The following TMEM154 variants were observed in gnomAD, a reference collection of about 807,000 sequenced individuals.
The protein encoded by TMEM154 is transmembrane protein 154.
A neutral mutation model predicts 24.5 loss-of-function variants in TMEM154; 27 were observed. The ratio of observed to expected loss-of-function variants is 1.10; its 90% CI spans 0.81 to 1.52. The LOEUF is 1.52. Among genes scored for constraint, TMEM154 ranks in the 40% most tolerant of loss-of-function variants. The pLI, the probability that TMEM154 is intolerant of heterozygous loss-of-function variation, is 0.00. For missense variants in TMEM154, 228 were observed against 213.4 expected, an observed-to-expected ratio of 1.07 and a Z score of -0.43; for synonymous variants, 67 against 76.8, an observed-to-expected ratio of 0.87 and a Z score of 0.67.
intron 1 of TMEM154, among the ~76,000 whole-genome samples, chr4:152,678,479 C>T (rs1728991467): frequency 1.4e-5 from 2 of 141,128 alleles, no homozygotes; most frequent in South Asian, 2.2e-4. Flanking sequence ...TGTCCTACTA[C>T]GAAAGGTTCC....
In TMEM154 at chr4:152,620,398, G is replaced by T. The variant is rs1332526617; in HGVS notation, c.*8148C>A. The T allele has an allele frequency of 6.6e-6, 1 of 152,220 alleles. No individual in the cohort carries two copies. Among genetic ancestry groups the T allele is most frequent in the African/African-American group, 2.4e-5 (1 of 41,406 alleles). The allele number at this position is 152,220 out of a possible 1,614,324, so 9.4% of individuals were successfully genotyped here. A position where few individuals can be genotyped will look rare whatever the true frequency, so the allele number is the denominator to read the frequency against. ...GATAGACCATTACTTCTGGGCCTAG[G>T]GTCCTGCCTTCACTGCCTCTGTTCC... On this transcript the variant is annotated 3_prime_UTR_variant, in exon 7 of 7. Transcript: ENST00000304385.
chr4:152,637,871 T>G (rs4696331), intron 6 of TMEM154, among the ~76,000 whole-genome samples: 18,364 of 152,204 alleles, frequency 0.12, 1,611 homozygotes, highest in African/African-American at 0.24. Context: ...GATTATCAAT[T>G]TAATTAAAAC....
chr4:152,657,201 T>C (rs1728508657), intron 1 of TMEM154, among the ~76,000 whole-genome samples: 1 of 145,850 alleles, frequency 6.9e-6, no homozygotes, highest in Non-Finnish European at 1.5e-5. Context: ...AAAGAGAAAA[T>C]GAGTGTTAGA....
intron 1 of TMEM154, among the ~76,000 whole-genome samples, chr4:152,655,611 G>A (rs909411441): frequency 3.3e-5 from 5 of 151,922 alleles, no homozygotes; most frequent in African/African-American, 4.8e-5. Flanking sequence ...GGTAGGAGCC[G>A]CTGGCAGCAC....
At position 152,625,856 on chromosome 4, in the gene TMEM154, G is replaced by A. The variant is rs1192001918; in HGVS notation, c.*2690C>T. 1 of 152,134 alleles carries A rather than the reference G, an allele frequency of 6.6e-6. No individual in the cohort carries two copies. The highest frequency in any genetic ancestry group is 1.5e-5 in the Non-Finnish European group (1 of 68,046). 9.4% of individuals were successfully genotyped at this position (152,134 alleles called of 1,614,324 possible). On this transcript the variant is annotated 3_prime_UTR_variant, in exon 7 of 7. Transcript: ENST00000304385. The stretch of plus-strand genomic sequence containing the variant: ...GTTTGAAACCAGCCTGGGCAACATA[G>A]TGAGACCCTGTCTTTAAAAAATAAA...
intron 6 of TMEM154, among the ~76,000 whole-genome samples, chr4:152,638,713 A>G (rs568256771): frequency 4.4e-4 from 67 of 152,206 alleles, no homozygotes; most frequent in Non-Finnish European, 8.7e-4. Context: ...TTGCAATATC[A>G]TAATAACCTT....
chr4:152,640,889 C>CCCCCG, intron 6 of TMEM154, 39 bp downstream of exon 6: 6 of 1,318,074 alleles, frequency 4.6e-6, no homozygotes, highest in African/African-American at 1.5e-5. Context: ...CCCCGCCCCC[C>CCCCCG]GCCATATACA....
chr4:152,636,121 A>C (rs945607047), intron 6 of TMEM154, among the ~76,000 whole-genome samples: 1 of 152,196 alleles, frequency 6.6e-6, no homozygotes, highest in South Asian at 2.1e-4. Flanking sequence ...TTGCACCACT[A>C]TCTAGTGGCA....
chr4:152,650,601 T>C (rs1443000551), intron 3 of TMEM154, among the ~76,000 whole-genome samples: 2 of 152,240 alleles, frequency 1.3e-5, no homozygotes, highest in Admixed American at 6.5e-5. Context: ...TTGATGTTGA[T>C]ATTTTGATCT....
chr4:152,670,315 G>A (rs147165452), intron 1 of TMEM154, among the ~76,000 whole-genome samples: 200 of 152,298 alleles, frequency 1.3e-3, no homozygotes, highest in African/African-American at 4.4e-3. Flanking sequence ...GGCCGGGTGC[G>A]GTGGCTCACG....
At chr4:152,647,289 A>C (rs1345841898) in intron 3 of TMEM154, 1 of 985,298 alleles carries the variant, frequency 1.0e-6, no homozygotes, top group Non-Finnish European at 1.2e-6. Flanking sequence ...CTTTCCAAGC[A>C]AAACGCTGGT....
chr4:152,669,862 C>A (rs1728792241), intron 1 of TMEM154: 1 of 152,210 alleles, frequency 6.6e-6, no homozygotes, highest in East Asian at 1.9e-4. Flanking sequence ...AGAACAACTA[C>A]CAGAATACTG....
intron 6 of TMEM154, among the ~76,000 whole-genome samples, chr4:152,635,072 G>A (rs1032635539): frequency 3.9e-5 from 6 of 152,178 alleles, no homozygotes; most frequent in Non-Finnish European, 7.3e-5. Context: ...AGCAGCCTCT[G>A]CACAAAGAAA....
At chr4:152,665,654 T>G (rs1728704027) in intron 1 of TMEM154, among the ~76,000 whole-genome samples, 1 of 152,210 alleles carries the variant, frequency 6.6e-6, no homozygotes, top group Non-Finnish European at 1.5e-5. Context: ...TAGCTTTAAT[T>G]GGTGCTTTAA....
chr4:152,670,210 T>C (rs1033559187), intron 1 of TMEM154: 5 of 152,240 alleles, frequency 3.3e-5, no homozygotes, highest in African/African-American at 4.8e-5. Context: ...AGCTACATAG[T>C]ATTTTCTCCA....
chr4:152,629,621 A>G (rs764181880), intron 6 of TMEM154, among the ~76,000 whole-genome samples: 2 of 152,120 alleles, frequency 1.3e-5, no homozygotes, highest in Non-Finnish European at 2.9e-5. Context: ...GCAGGCCTCT[A>G]TTTGAAGTGA....
intron 1 of TMEM154, among the ~76,000 whole-genome samples, chr4:152,659,289 C>T (rs1728550161): frequency 6.6e-6 from 1 of 151,948 alleles, no homozygotes; most frequent in Admixed American, 6.6e-5. Flanking sequence ...TATGTTCTTG[C>T]TCATATGTGG....
In TMEM154 at chr4:152,647,603, G is replaced by A. The variant is rs147709814; in HGVS notation, c.365-3161C>T. 2.1e-3 allele frequency among the ~76,000 whole-genome samples: 324 copies of A among 152,230 alleles called. 1 individual carries two copies. The highest frequency in any genetic ancestry group is 0.017 in the Middle Eastern group (5 of 294). On this transcript the variant is annotated intron_variant, in intron 3 of 6. Transcript: ENST00000304385. ...TGTACCAATTTTTAGTAAGGATAAT[G>A]TACAAATTTGACTTTCCCTCTGAGC... is the stretch of plus-strand genomic sequence containing the variant.
intron 6 of TMEM154, among the ~76,000 whole-genome samples, chr4:152,636,378 A>G (rs149423694): frequency 2.0e-3 from 303 of 152,320 alleles, no homozygotes; most frequent in African/African-American, 7.1e-3. Flanking sequence ...ATCACGGAAA[A>G]GATGCTAAGA....
Sources: allele counts gnomAD v4.1 joint callset (sites outside exome capture counted in the v4.1 genomes callset), GRCh38; gene constraint gnomAD v4.1.1; transcripts MANE v1.5; gene names NCBI Gene and HGNC (gene_info 2026-07-23, HGNC 2026-07-21).